The following KIAA1958 variants were observed in gnomAD, a reference collection of about 807,000 sequenced individuals.
The protein encoded by KIAA1958 is KIAA1958.
In KIAA1958, 14 loss-of-function variants were observed where a neutral mutation model predicts 47.2. The ratio of observed to expected loss-of-function variants is 0.30; its 90% CI spans 0.20 to 0.46. The LOEUF (loss-of-function observed/expected upper bound fraction) is 0.46, where lower values mean the gene tolerates loss of function less well. KIAA1958 is among the 20% of genes least tolerant of loss of function. The pLI, the probability that KIAA1958 is intolerant of heterozygous loss-of-function variation, is 1.00. For synonymous variants in KIAA1958, 354 were observed against 353.3 expected (o/e 1.00, Z -0.02); for missense variants, 803 against 909.2 (o/e 0.88, Z 1.50).
chr9:112,596,071 C>T (rs1401928877), intron 2 of KIAA1958, among the ~76,000 whole-genome samples: 1 of 152,080 alleles, frequency 6.6e-6, no homozygotes, highest in Non-Finnish European at 1.5e-5. Context: ...GGGCATGAGC[C>T]ACCGCACCCA....
At chr9:112,624,541 GAA>G (rs1836571133) in intron 2 of KIAA1958, among the ~76,000 whole-genome samples, 1 of 152,166 alleles carries the variant, frequency 6.6e-6, no homozygotes, top group South Asian at 2.1e-4. Flanking sequence ...CAACAGAAAA[GAA>G]GAGATGATAT....
At chr9:112,531,118 G>A (rs1192696755) in intron 1 of KIAA1958, among the ~76,000 whole-genome samples, 1 of 152,234 alleles carries the variant, frequency 6.6e-6, no homozygotes, top group Non-Finnish European at 1.5e-5. Context: ...GTCAGGCGCT[G>A]TGGCTCACGC....
chr9:112,561,291 C>CG (rs1835324934), intron 1 of KIAA1958, among the ~76,000 whole-genome samples: 1 of 151,884 alleles, frequency 6.6e-6, no homozygotes, highest in Admixed American at 6.6e-5. Flanking sequence ...CCTGACCTCG[C>CG]GATCTGCCTG....
At chr9:112,545,694 T>C (rs1279566324) in intron 1 of KIAA1958, among the ~76,000 whole-genome samples, 1 of 152,126 alleles carries the variant, frequency 6.6e-6, no homozygotes, top group Non-Finnish European at 1.5e-5. Flanking sequence ...GGGAGATGAA[T>C]TGGAAAGGCA....
intron 1 of KIAA1958, among the ~76,000 whole-genome samples, chr9:112,571,271 A>G (rs1027109218): frequency 3.3e-5 from 5 of 152,230 alleles, no homozygotes; most frequent in Non-Finnish European, 7.3e-5. Flanking sequence ...ACTCATATGC[A>G]TTTCCTTAAA....
chr9:112,575,019 C>T lies in KIAA1958; in HGVS notation c.939C>T (p.Ser313=). ...NQQVAMQMPV[S]TSHPNKQISI... is the part of the protein sequence containing the mutation. ...AGGTGGCCATGCAAATGCCTGTGAGCACATCCCATCCTAACAAACAGATCA... is the reference window on the plus strand; with the variant it reads ...AGGTGGCCATGCAAATGCCTGTGAGTACATCCCATCCTAACAAACAGATCA... The change falls in exon 2 of 4, where the codon AGC becomes AGT. Residue 313 remains serine, a synonymous_variant. Transcript: ENST00000337530. 4 of 1,614,152 alleles carry T rather than the reference C, an allele frequency of 2.5e-6. No homozygotes were observed. In the South Asian group the frequency reaches 3.3e-5, roughly 13 times the overall value.
chr9:112,494,223 G>T (rs923963988), intron 1 of KIAA1958, among the ~76,000 whole-genome samples: 2 of 152,050 alleles, frequency 1.3e-5, no homozygotes, highest in Non-Finnish European at 2.9e-5. Flanking sequence ...ACCATTCCCT[G>T]TTAATTCTCC....
intron 2 of KIAA1958, among the ~76,000 whole-genome samples, chr9:112,609,908 A>G (rs1472081629): frequency 3.9e-5 from 6 of 152,162 alleles, no homozygotes; most frequent in African/African-American, 1.2e-4. Context: ...AGTGGAGAGA[A>G]TGGACATCTT....
rs1343849360 is a variant in KIAA1958 at position 112,590,646 on chromosome 9, G to A, written c.1171+15395G>A. ...GATTACAGGCATGAGCCACAGCGCC[G>A]GGCCCAGACACCATTCTTTAACCTC... On this transcript the variant is annotated intron_variant, in intron 2 of 3. Coordinates refer to ENST00000337530, the MANE Select transcript of KIAA1958 (RefSeq NM_133465.4). Among the ~76,000 whole-genome samples, 11 of 152,100 alleles carry A rather than the reference G, an allele frequency of 7.2e-5. No individual in the cohort carries two copies. In the South Asian group the frequency reaches 1.7e-3, roughly 23 times the overall value.
intron 1 of KIAA1958, among the ~76,000 whole-genome samples, chr9:112,511,109 G>T (rs896021285): frequency 2.6e-5 from 4 of 152,298 alleles, no homozygotes; most frequent in African/African-American, 9.6e-5. Flanking sequence ...GCAAGAGGGA[G>T]GATGGGGCAA....
rs749805916 is a variant in KIAA1958 at position 112,574,262 on chromosome 9, C to G, written c.182C>G (p.Thr61Arg). Reference sequence around the variant, plus strand: ...GGCCATGCTTATCACTGGCCACTAACAGCTACTTGCAGAGCTGGGTCCCAA... The same window carrying G: ...GGCCATGCTTATCACTGGCCACTAAGAGCTACTTGCAGAGCTGGGTCCCAA... ...SAGHAYHWPL[T>R]ATCRAGSQER... is the part of the protein sequence containing the mutation. Residue 61 changes from threonine to arginine, a missense_variant, in exon 2 of 4, where the codon ACA becomes AGA. This residue lies in a region of KIAA1958 where 42 missense variants were observed against 79.9 expected (regional missense o/e 0.53). Transcript: ENST00000337530. The G allele has an allele frequency of 2.5e-6, 4 of 1,614,114 alleles. No homozygotes were observed. Among genetic ancestry groups the G allele is most frequent in the Non-Finnish European group, 3.4e-6 (4 of 1,179,962 alleles).
Position 112,660,085 on chromosome 9 carries a change from C to A in KIAA1958, c.*16C>A, listed in dbSNP as rs1301783161. The A allele has an allele frequency of 6.2e-7, 1 of 1,605,946 alleles. No individual in the cohort carries two copies. Among genetic ancestry groups the A allele is most frequent in the African/African-American group, 1.3e-5 (1 of 74,932 alleles). Reference sequence around the variant, plus strand: ...CTGCCAGTGAGCCCCCACTGGGGCCCGGCCACTGCCCTGTCACCTGCTCGG... The same window carrying A: ...CTGCCAGTGAGCCCCCACTGGGGCCAGGCCACTGCCCTGTCACCTGCTCGG... On this transcript the variant is annotated 3_prime_UTR_variant, in exon 4 of 4. Coordinates refer to ENST00000337530, the MANE Select transcript of KIAA1958 (RefSeq NM_133465.4).
At chr9:112,581,578 C>T (rs1835735511) in intron 2 of KIAA1958, among the ~76,000 whole-genome samples, 1 of 152,098 alleles carries the variant, frequency 6.6e-6, no homozygotes, top group Non-Finnish European at 1.5e-5. Flanking sequence ...GGTGCAGGAG[C>T]GGAGATTAAT....
intron 1 of KIAA1958, among the ~76,000 whole-genome samples, chr9:112,494,483 CTT>C (rs921952200): frequency 7.0e-6 from 1 of 143,694 alleles, no homozygotes; most frequent in Admixed American, 7.0e-5. Flanking sequence ...GTATCTATCG[CTT>C]TTTTTTTTTG....
intron 2 of KIAA1958, among the ~76,000 whole-genome samples, chr9:112,628,419 G>A (rs1183058168): frequency 6.6e-6 from 1 of 152,174 alleles, no homozygotes; most frequent in Non-Finnish European, 1.5e-5. Flanking sequence ...CTCTTCTCTA[G>A]AATATGCTGT....
chr9:112,632,945 T>C (rs529577552), intron 2 of KIAA1958, among the ~76,000 whole-genome samples: 2 of 151,446 alleles, frequency 1.3e-5, no homozygotes, highest in East Asian at 3.9e-4. Flanking sequence ...CATTTAGATA[T>C]GTGGATTTTG....
intron 1 of KIAA1958, among the ~76,000 whole-genome samples, chr9:112,518,086 C>T (rs942371446): frequency 2.6e-5 from 4 of 152,160 alleles, no homozygotes; most frequent in African/African-American, 9.7e-5. Context: ...GGAGCGGTGC[C>T]ACATGCAAGC....
intron 2 of KIAA1958, among the ~76,000 whole-genome samples, chr9:112,607,642 C>G (rs964564246): frequency 3.3e-5 from 5 of 150,738 alleles, no homozygotes; most frequent in African/African-American, 1.2e-4. Context: ...AAAGGATATA[C>G]TCTGTACCAG....
chr9:112,623,543 A>T (rs184723970), intron 2 of KIAA1958, among the ~76,000 whole-genome samples: 2 of 152,320 alleles, frequency 1.3e-5, no homozygotes, highest in Admixed American at 1.3e-4. Flanking sequence ...CATCAAATTA[A>T]TTCAACTCAT....
Sources: allele counts gnomAD v4.1 joint callset (sites outside exome capture counted in the v4.1 genomes callset), GRCh38; gene constraint gnomAD v4.1.1; regional missense constraint gnomAD v4.1.1; transcripts MANE v1.5; gene names NCBI Gene and HGNC (gene_info 2026-07-23, HGNC 2026-07-21).